The following CSMD1 variants were observed in gnomAD, a reference collection of about 807,000 sequenced individuals.
CSMD1 encodes CUB and sushi domain-containing protein 1.
CSMD1 carries 213 observed loss-of-function variants against 417.5 expected under a neutral mutation model. That is an observed-to-expected ratio of 0.51 (90% CI 0.46 to 0.57). CSMD1 has a LOEUF of 0.57. Ranked by LOEUF, CSMD1 falls within the 20% of genes least tolerant of loss-of-function variation. The pLI, the probability that CSMD1 is intolerant of heterozygous loss-of-function variation, is 0.00. For synonymous variants in CSMD1, 2,862 were observed against 1,736.8 expected, an observed-to-expected ratio of 1.65 and a Z score of -16.11; for missense variants, 6,923 against 4,529.7, an observed-to-expected ratio of 1.53 and a Z score of -15.17.
chr8:3,386,104 C>T (rs1374330436), intron 18 of CSMD1, among the ~76,000 whole-genome samples: 1 of 152,138 alleles, frequency 6.6e-6, no homozygotes, highest in Non-Finnish European at 1.5e-5. Flanking sequence ...TTGGTGCTTA[C>T]ACCATATTCC....
At chr8:3,214,464 G>C in intron 30 of CSMD1, 33 bp downstream of exon 30, 1 of 1,484,598 alleles carries the variant, frequency 6.7e-7, no homozygotes, top group South Asian at 1.3e-5. Flanking sequence ...AAGGAAAGTT[G>C]TATTTCTAGA....
intron 3 of CSMD1, among the ~76,000 whole-genome samples, chr8:4,355,831 C>A (rs947362396): frequency 6.6e-6 from 1 of 152,184 alleles, no homozygotes; most frequent in African/African-American, 2.4e-5. Flanking sequence ...TTTCTAGATT[C>A]CAGGCCGAAA....
At chr8:4,110,465 T>A (rs990468207) in intron 3 of CSMD1, among the ~76,000 whole-genome samples, 4 of 152,172 alleles carry the variant, frequency 2.6e-5, no homozygotes, top group Non-Finnish European at 5.9e-5. Flanking sequence ...ATCCCTCTCA[T>A]AAATACTCCA....
At chr8:4,966,534 C>T (rs1280642120) in intron 1 of CSMD1, among the ~76,000 whole-genome samples, 2 of 152,196 alleles carry the variant, frequency 1.3e-5, no homozygotes, top group Non-Finnish European at 2.9e-5. Context: ...ACCCAACTGT[C>T]ACTGTCCATC....
chr8:4,802,352 C>CGTGTGTGTGT (rs34030430), intron 1 of CSMD1, among the ~76,000 whole-genome samples: 4 of 146,312 alleles, frequency 2.7e-5, no homozygotes, highest in Non-Finnish European at 4.5e-5. Context: ...TGTGTGCGCG[C>CGTGTGTGTGT]GTGTGTGTGT....
chr8:3,378,086 G>C (rs1458580302), intron 18 of CSMD1, among the ~76,000 whole-genome samples: 1 of 152,152 alleles, frequency 6.6e-6, no homozygotes, highest in Non-Finnish European at 1.5e-5. Flanking sequence ...GAAGGGTATT[G>C]AATATTGGAT....
intron 3 of CSMD1, among the ~76,000 whole-genome samples, chr8:4,059,228 T>A (rs1295186807): frequency 3.3e-5 from 5 of 152,172 alleles, no homozygotes; most frequent in Non-Finnish European, 5.9e-5. Flanking sequence ...GAAATAAAGA[T>A]GTTCTTTGAA....
At chr8:3,376,591 ATCTT>A (rs1554530626) in intron 18 of CSMD1, among the ~76,000 whole-genome samples, 8 of 152,060 alleles carry the variant, frequency 5.3e-5, no homozygotes, top group Non-Finnish European at 1.2e-4. Context: ...TGTTAAAACT[ATCTT>A]TCTTTAATTA....
chr8:4,316,297 G>C (rs373007070), intron 3 of CSMD1, among the ~76,000 whole-genome samples: 13 of 152,086 alleles, frequency 8.5e-5, no homozygotes, highest in Non-Finnish European at 1.6e-4. Flanking sequence ...GATATCTCAA[G>C]GAATGCTGCA....
intron 2 of CSMD1, among the ~76,000 whole-genome samples, chr8:4,430,757 G>A (rs1429976975): frequency 6.6e-6 from 1 of 152,092 alleles, no homozygotes; most frequent in Non-Finnish European, 1.5e-5. Flanking sequence ...CATAATGTAT[G>A]TTTATGACAA....
chr8:4,153,620 T>G (rs1796681705), intron 3 of CSMD1, among the ~76,000 whole-genome samples: 1 of 152,200 alleles, frequency 6.6e-6, no homozygotes, highest in Non-Finnish European at 1.5e-5. Flanking sequence ...CTCTGTTTCC[T>G]CTCTTCACCT....
At chr8:3,744,092 T>A (rs546133829) in intron 6 of CSMD1, among the ~76,000 whole-genome samples, 115 of 152,338 alleles carry the variant, frequency 7.5e-4, no homozygotes, top group African/African-American at 2.6e-3. Flanking sequence ...CTCCCCAGCA[T>A]GCATCCTTCC....
chr8:3,411,613 T>A (rs923786108), intron 12 of CSMD1, among the ~76,000 whole-genome samples: 1 of 150,184 alleles, frequency 6.7e-6, no homozygotes, highest in Admixed American at 6.7e-5. Flanking sequence ...TTGCTGCGAA[T>A]GCCATTAATT....
At chr8:4,490,691 G>C (rs1801654688) in intron 2 of CSMD1, among the ~76,000 whole-genome samples, 1 of 152,112 alleles carries the variant, frequency 6.6e-6, no homozygotes, top group South Asian at 2.1e-4. Flanking sequence ...ACAAATAAGA[G>C]ACTCTTAACT....
At chr8:4,422,085 C>G (rs1172044552) in intron 2 of CSMD1, among the ~76,000 whole-genome samples, 1 of 152,064 alleles carries the variant, frequency 6.6e-6, no homozygotes, top group African/African-American at 2.4e-5. Context: ...ACTATTACAA[C>G]TAACCAATGA....
chr8:4,090,036 T>C (rs1563110050), intron 3 of CSMD1, among the ~76,000 whole-genome samples: 2 of 152,246 alleles, frequency 1.3e-5, no homozygotes, highest in African/African-American at 2.4e-5. Context: ...ATATTTGATA[T>C]TGATTTATCA....
intron 2 of CSMD1, among the ~76,000 whole-genome samples, chr8:4,540,463 G>C (rs1270208221): frequency 1.3e-5 from 2 of 152,174 alleles, no homozygotes; most frequent in East Asian, 3.8e-4. Flanking sequence ...AGGACTTAGG[G>C]GAGGCTGAGG....
intron 7 of CSMD1, among the ~76,000 whole-genome samples, chr8:3,639,529 T>C (rs1326521941): frequency 1.3e-5 from 2 of 152,132 alleles, no homozygotes; most frequent in African/African-American, 2.4e-5. Flanking sequence ...GATAACATAA[T>C]AGGATGGATC....
At chr8:3,354,873 A>G (rs1187753810) in intron 21 of CSMD1, among the ~76,000 whole-genome samples, 3 of 145,058 alleles carry the variant, frequency 2.1e-5, no homozygotes, top group Non-Finnish European at 3.0e-5. Flanking sequence ...ATAGATATAC[A>G]TATATCTATA....
Sources: allele counts gnomAD v4.1 joint callset (sites outside exome capture counted in the v4.1 genomes callset), GRCh38; gene constraint gnomAD v4.1.1; transcripts MANE v1.5; gene names NCBI Gene and HGNC (gene_info 2026-07-23, HGNC 2026-07-21).